The following CSMD1 variants were observed in gnomAD, a reference collection of about 807,000 sequenced individuals.
CSMD1 encodes the protein CUB and Sushi multiple domains 1.
In CSMD1, 213 loss-of-function variants were observed where a neutral mutation model predicts 417.5. The ratio of observed to expected loss-of-function variants is 0.51; its 90% CI spans 0.46 to 0.57. The LOEUF (loss-of-function observed/expected upper bound fraction) is 0.57, where lower values mean the gene tolerates loss of function less well. Ranked by LOEUF, CSMD1 falls within the 20% of genes least tolerant of loss-of-function variation. The pLI, the probability that CSMD1 is intolerant of heterozygous loss-of-function variation, is 0.00. For synonymous variants in CSMD1, 2,862 were observed against 1,736.8 expected (o/e 1.65, Z -16.11); for missense variants, 6,923 against 4,529.7 (o/e 1.53, Z -15.17).
chr8:3,300,958 CAAAAAAA>C (rs374180480), intron 25 of CSMD1, among the ~76,000 whole-genome samples: 7 of 50,602 alleles, frequency 1.4e-4, no homozygotes, highest in African/African-American at 3.4e-4. Context: ...GACTCTGTCT[CAAAAAAA>C]AAAAAAAAAA....
At chr8:4,347,193 T>C (rs577382954) in intron 3 of CSMD1, among the ~76,000 whole-genome samples, 2 of 152,232 alleles carry the variant, frequency 1.3e-5, no homozygotes, top group South Asian at 2.1e-4. Context: ...ACTCCTAACT[T>C]ATTAATCTTG....
intron 3 of CSMD1, among the ~76,000 whole-genome samples, chr8:4,134,153 A>G (rs904505995): frequency 9.2e-5 from 14 of 152,112 alleles, no homozygotes; most frequent in African/African-American, 3.4e-4. Flanking sequence ...TGACATTGAA[A>G]CTCATGTGTA....
At chr8:3,668,356 C>G (rs1049102050) in intron 7 of CSMD1, among the ~76,000 whole-genome samples, 1 of 152,038 alleles carries the variant, frequency 6.6e-6, no homozygotes, top group Non-Finnish European at 1.5e-5. Context: ...CTGTGCATGA[C>G]GGATGGAGTC....
At chr8:3,828,968 G>C (rs1399747083) in intron 5 of CSMD1, among the ~76,000 whole-genome samples, 2 of 151,950 alleles carry the variant, frequency 1.3e-5, no homozygotes, top group East Asian at 3.9e-4. Flanking sequence ...TGGCAACACA[G>C]TTCCTTAGGG....
chr8:3,706,114 C>A (rs1801153440), intron 7 of CSMD1, among the ~76,000 whole-genome samples: 2 of 152,230 alleles, frequency 1.3e-5, no homozygotes, highest in Admixed American at 6.5e-5. Context: ...CTACCGTTCG[C>A]CCCGTGTGGT....
At chr8:4,880,211 T>G (rs968033221) in intron 1 of CSMD1, among the ~76,000 whole-genome samples, 9 of 152,018 alleles carry the variant, frequency 5.9e-5, no homozygotes, top group African/African-American at 1.9e-4. Context: ...AAGAACACAC[T>G]GCTATCATTT....
At chr8:4,264,496 C>G (rs986389147) in intron 3 of CSMD1, among the ~76,000 whole-genome samples, 2 of 152,128 alleles carry the variant, frequency 1.3e-5, no homozygotes, top group African/African-American at 4.8e-5. Flanking sequence ...AGTTTACAAG[C>G]TAATGTGTAC....
At chr8:4,993,919 C>A (rs1383815728) in intron 1 of CSMD1, among the ~76,000 whole-genome samples, 11 of 152,120 alleles carry the variant, frequency 7.2e-5, no homozygotes, top group Non-Finnish European at 1.5e-4. Flanking sequence ...GACGCTTTCC[C>A]AGGCGCGTCG....
At chr8:3,580,058 A>G (rs1800317447) in intron 9 of CSMD1, among the ~76,000 whole-genome samples, 1 of 152,134 alleles carries the variant, frequency 6.6e-6, no homozygotes, top group Admixed American at 6.6e-5. Context: ...GAGCCAAGAT[A>G]GCACCACTGT....
intron 3 of CSMD1, among the ~76,000 whole-genome samples, chr8:4,035,218 G>A (rs899883995): frequency 2.0e-5 from 3 of 152,146 alleles, no homozygotes; most frequent in African/African-American, 4.8e-5. Context: ...TGATGCACGT[G>A]TCTGTGGTGA....
intron 10 of CSMD1, among the ~76,000 whole-genome samples, chr8:3,524,737 C>T (rs1177356394): frequency 6.6e-6 from 1 of 151,670 alleles, no homozygotes; most frequent in Non-Finnish European, 1.5e-5. Flanking sequence ...CACACATGCA[C>T]ACCGAGACAT....
chr8:4,565,993 C>A lies in CSMD1; in HGVS notation c.302+71349G>T, dbSNP rs1050229301. On this transcript the variant is annotated intron_variant, in intron 2 of 69. Coordinates refer to ENST00000635120, the MANE Select transcript of CSMD1 (RefSeq NM_033225.6). ...ATAATCTATATTTGGGTCTATTGAA[C>A]TATTGTTTATTAATTCTATTTTACA... Among the ~76,000 whole-genome samples, 10 of 151,646 alleles carry A rather than the reference C, an allele frequency of 6.6e-5. No individual in the cohort carries two copies. The East Asian group carries it at 1.9e-3, about 29-fold the overall frequency.
At chr8:3,857,514 G>A (rs1049945827) in intron 5 of CSMD1, among the ~76,000 whole-genome samples, 1 of 152,176 alleles carries the variant, frequency 6.6e-6, no homozygotes, top group Non-Finnish European at 1.5e-5. Flanking sequence ...AGAAATAGTA[G>A]ATGATTTGCT....
chr8:4,612,103 C>G (rs1323676402), intron 2 of CSMD1, among the ~76,000 whole-genome samples: 1 of 152,126 alleles, frequency 6.6e-6, no homozygotes, highest in Non-Finnish European at 1.5e-5. Flanking sequence ...GAGGCACAGA[C>G]TCTTTTCATG....
At chr8:4,089,692 G>C (rs760067176) in intron 3 of CSMD1, among the ~76,000 whole-genome samples, 1 of 152,130 alleles carries the variant, frequency 6.6e-6, no homozygotes, top group Non-Finnish European at 1.5e-5. Flanking sequence ...TATAGAATGT[G>C]CCCAACACAG....
At chr8:4,232,170 T>C (rs1400843662) in intron 3 of CSMD1, among the ~76,000 whole-genome samples, 3 of 152,194 alleles carry the variant, frequency 2.0e-5, no homozygotes, top group Admixed American at 6.5e-5. Flanking sequence ...TCCAAGTGTA[T>C]TGAGAAACAC....
At chr8:3,747,064 G>T (rs13279005) in intron 6 of CSMD1, among the ~76,000 whole-genome samples, 25 of 152,014 alleles carry the variant, frequency 1.6e-4, no homozygotes, top group Non-Finnish European at 3.1e-4. Context: ...ACTAAAACAC[G>T]TTCTGATGTT....
chr8:3,107,397 C>T (rs1260889239), intron 45 of CSMD1, among the ~76,000 whole-genome samples: 1 of 152,064 alleles, frequency 6.6e-6, no homozygotes, highest in Non-Finnish European at 1.5e-5. Context: ...CAAATATCTG[C>T]CCAAGTCTGT....
intron 7 of CSMD1, among the ~76,000 whole-genome samples, chr8:3,682,975 T>G (rs554494545): frequency 6.6e-6 from 1 of 152,042 alleles, no homozygotes; most frequent in Non-Finnish European, 1.5e-5. Context: ...ATGTTGTCAC[T>G]CATACGTGGG....
Sources: gnomAD v4.1 joint callset for allele counts (sites outside exome capture counted in the v4.1 genomes callset) on GRCh38, gnomAD v4.1.1 for gene constraint, MANE v1.5 for transcripts, NCBI Gene and HGNC (gene_info 2026-07-23, HGNC 2026-07-21) for gene names.